The following KCND2 variants were observed in gnomAD, a reference collection of about 807,000 sequenced individuals.
KCND2 encodes the protein potassium voltage-gated channel subfamily D member 2.
In KCND2, 16 loss-of-function variants were observed where a neutral mutation model predicts 54.4. That is an observed-to-expected ratio of 0.29 (90% CI 0.20 to 0.45). The LOEUF is 0.45. Among genes scored for constraint, KCND2 ranks in the 20% least tolerant of loss-of-function variants. KCND2 has a pLI of 1.00. For synonymous variants in KCND2, 317 were observed against 310.7 expected (o/e 1.02, Z -0.21); for missense variants, 486 against 824.2 (o/e 0.59, Z 5.02).
At chr7:120,412,120 C>G (rs1438306904) in intron 1 of KCND2, among the ~76,000 whole-genome samples, 1 of 151,986 alleles carries the variant, frequency 6.6e-6, no homozygotes, top group Admixed American at 6.6e-5. Context: ...GTTCAATTTT[C>G]TCATAAACAA....
At chr7:120,574,001 AC>A (rs890143128) in intron 1 of KCND2, among the ~76,000 whole-genome samples, 73 of 152,314 alleles carry the variant, frequency 4.8e-4, no homozygotes, top group African/African-American at 1.6e-3. Context: ...AAGTCTCTGC[AC>A]TTTTGTCCCT....
At chr7:120,563,348 CAT>C (rs916022135) in intron 1 of KCND2, among the ~76,000 whole-genome samples, 1 of 152,176 alleles carries the variant, frequency 6.6e-6, no homozygotes, top group African/African-American at 2.4e-5. Context: ...AATTACCCAA[CAT>C]GTTAGAAACT....
intron 2 of KCND2, among the ~76,000 whole-genome samples, chr7:120,737,901 A>T (rs563778342): frequency 6.6e-6 from 1 of 152,096 alleles, no homozygotes; most frequent in East Asian, 1.9e-4. Context: ...GTGATTTGGT[A>T]ACAAGATGGC....
intron 1 of KCND2, among the ~76,000 whole-genome samples, chr7:120,619,920 T>A (rs1484446773): frequency 6.6e-6 from 1 of 152,188 alleles, no homozygotes; most frequent in African/African-American, 2.4e-5. Flanking sequence ...GTATCATCCC[T>A]AGTCACGATG....
intron 1 of KCND2, among the ~76,000 whole-genome samples, chr7:120,498,484 A>T (rs1802883289): frequency 6.6e-6 from 1 of 151,484 alleles, no homozygotes; most frequent in Non-Finnish European, 1.5e-5. Context: ...ATCTGAAAAA[A>T]AGACACTCGA....
chr7:120,358,387 T>C (rs1216504578), intron 1 of KCND2, among the ~76,000 whole-genome samples: 2 of 152,130 alleles, frequency 1.3e-5, no homozygotes, highest in East Asian at 1.9e-4. Flanking sequence ...CTGCATTGGA[T>C]TGATGTGAAA....
chr7:120,632,272 C>T (rs569248721), intron 1 of KCND2, among the ~76,000 whole-genome samples: 2 of 152,272 alleles, frequency 1.3e-5, no homozygotes, highest in African/African-American at 4.8e-5. Context: ...TATATGCACA[C>T]GTGCTGAACA....
At chr7:120,296,218 T>G (rs532596714) in intron 1 of KCND2, among the ~76,000 whole-genome samples, 5 of 152,184 alleles carry the variant, frequency 3.3e-5, no homozygotes, top group African/African-American at 1.2e-4. Context: ...TTTTAAGTGT[T>G]GTATTTCGGG....
chr7:120,488,186 C>A (rs975827480), intron 1 of KCND2, among the ~76,000 whole-genome samples: 4 of 151,878 alleles, frequency 2.6e-5, no homozygotes, highest in Non-Finnish European at 5.9e-5. Flanking sequence ...CAGAGTGAGA[C>A]CCTGTCTCAA....
chr7:120,490,430 G>C (rs1215188386), intron 1 of KCND2, among the ~76,000 whole-genome samples: 1 of 152,102 alleles, frequency 6.6e-6, no homozygotes, highest in African/African-American at 2.4e-5. Flanking sequence ...GCATATCACA[G>C]TTTTAGTTCT....
intron 1 of KCND2, among the ~76,000 whole-genome samples, chr7:120,540,043 T>G (rs1222953673): frequency 6.6e-6 from 1 of 152,054 alleles, no homozygotes; most frequent in Non-Finnish European, 1.5e-5. Flanking sequence ...TCAACAAAAT[T>G]AGCCACCATG....
intron 1 of KCND2, among the ~76,000 whole-genome samples, chr7:120,296,349 G>A (rs1005890606): frequency 1.3e-5 from 2 of 152,028 alleles, no homozygotes; most frequent in Non-Finnish European, 2.9e-5. Flanking sequence ...AAGTTTCTAA[G>A]TACTGGATCT....
At chr7:120,545,894 G>A (rs540040840) in intron 1 of KCND2, among the ~76,000 whole-genome samples, 4 of 151,672 alleles carry the variant, frequency 2.6e-5, no homozygotes, top group East Asian at 1.9e-4. Context: ...GAGGAAATCC[G>A]ATTTGAATTA....
chr7:120,440,574 C>T (rs1009109295), intron 1 of KCND2, among the ~76,000 whole-genome samples: 17 of 152,014 alleles, frequency 1.1e-4, no homozygotes, highest in Non-Finnish European at 4.4e-5. Context: ...AGACCAAGGT[C>T]ATGAAGCATT....
At chr7:120,654,643 G>C (rs1791778143) in intron 1 of KCND2, among the ~76,000 whole-genome samples, 1 of 152,130 alleles carries the variant, frequency 6.6e-6, no homozygotes, top group Non-Finnish European at 1.5e-5. Context: ...TGTAATGCAT[G>C]TTCAAATAAT....
chr7:120,640,558 A>G (rs1189368290), intron 1 of KCND2, among the ~76,000 whole-genome samples: 2 of 152,128 alleles, frequency 1.3e-5, no homozygotes, highest in Non-Finnish European at 2.9e-5. Flanking sequence ...AGGAGGAATA[A>G]TTTTATGTTA....
chr7:120,489,408 A>G (rs1802742910), intron 1 of KCND2, among the ~76,000 whole-genome samples: 1 of 133,562 alleles, frequency 7.5e-6, no homozygotes, highest in Non-Finnish European at 1.5e-5. Context: ...ATTTCTTTTG[A>G]AACACACATT....
intron 1 of KCND2, among the ~76,000 whole-genome samples, chr7:120,532,215 G>A (rs1174083221): frequency 1.3e-5 from 2 of 151,782 alleles, no homozygotes; most frequent in East Asian, 1.9e-4. Context: ...TAAAATCCAT[G>A]TTTTCATTCT....
intron 1 of KCND2, among the ~76,000 whole-genome samples, chr7:120,699,510 C>A (rs566018324): frequency 6.6e-6 from 1 of 152,034 alleles, no homozygotes; most frequent in African/African-American, 2.4e-5. Context: ...AGTGACAACA[C>A]AAGGTGAAAA....
Sources: gnomAD v4.1 joint callset for allele counts (sites outside exome capture counted in the v4.1 genomes callset) on GRCh38, gnomAD v4.1.1 for gene constraint, MANE v1.5 for transcripts, NCBI Gene and HGNC (gene_info 2026-07-23, HGNC 2026-07-21) for gene names.